The following USP2 variants were observed in gnomAD, a reference collection of about 807,000 sequenced individuals.
USP2 encodes the protein ubiquitin specific peptidase 2, also known as ubiquitin carboxyl-terminal hydrolase 2.
USP2 carries 33 observed loss-of-function variants against 72.0 expected under a neutral mutation model. The observed-to-expected ratio is 0.46, with a 90% confidence interval of 0.35 to 0.61. USP2 has a LOEUF of 0.61. Among genes scored for constraint, USP2 ranks in the 20% least tolerant of loss-of-function variants. The pLI is 0.01. For missense variants in USP2, 691 were observed against 797.8 expected (o/e 0.87, Z 1.61); for synonymous variants, 296 against 312.5 (o/e 0.95, Z 0.56).
At position 119,357,601 on chromosome 11, in the gene USP2, C is replaced by T. The variant is rs1050154373; in HGVS notation, c.1502-11G>A. 1.9e-6 allele frequency: 3 copies of T among 1,614,114 alleles called. No individual in the cohort carries two copies. The highest frequency in any genetic ancestry group is 1.1e-5 in the South Asian group (1 of 91,082). On this transcript the variant is annotated splice_polypyrimidine_tract_variant and intron_variant, in intron 10 of 12. Transcript: ENST00000260187. ...AGAACCGCTTCAGATCTGGCATTGA[C>T]GTGAGTCAAGGATAGTCAAACCAAT...
chr11:119,381,514 G>C lies in USP2; in HGVS notation c.-83C>G. The C allele has an allele frequency of 6.5e-7, 1 of 1,536,190 alleles. No individual in the cohort carries two copies. The highest frequency in any genetic ancestry group is 1.2e-5 in the South Asian group (1 of 84,064). Reference sequence around the variant, plus strand: ...TATGGACGAGTCGAACCGGGCACAAGCATGGAGCTGCGGGTGAGTCCCGGC... The same window carrying C: ...TATGGACGAGTCGAACCGGGCACAACCATGGAGCTGCGGGTGAGTCCCGGC... On this transcript the variant is annotated 5_prime_UTR_variant, in exon 1 of 13. Transcript: ENST00000260187.
At position 119,378,077 on chromosome 11, in the gene USP2, A is replaced by G. The variant is rs903162651; in HGVS notation, c.-42+3396T>C. On this transcript the variant is annotated intron_variant, in intron 1 of 12. Coordinates refer to ENST00000260187, the MANE Select transcript of USP2 (RefSeq NM_004205.5). ...GTGGGGAGTCCCAGCCAGTCCCGCC[A>G]GGTGGTTGGGAGCCCCCACAGTGGT... is the stretch of plus-strand genomic sequence containing the variant. Among the ~76,000 whole-genome samples, 4 of 152,216 alleles carry G rather than the reference A, an allele frequency of 2.6e-5. No individual in the cohort carries two copies. In the East Asian group the frequency reaches 7.8e-4, roughly 30 times the overall value.
intron 2 of USP2, among the ~76,000 whole-genome samples, chr11:119,370,667 G>A (rs1305424550): frequency 6.6e-6 from 1 of 152,210 alleles, no homozygotes; most frequent in Non-Finnish European, 1.5e-5. Context: ...ACCCTGGAGA[G>A]GCCTCTGCTG....
At chr11:119,374,863 AG>A (rs1950979728) in intron 1 of USP2, among the ~76,000 whole-genome samples, 1 of 152,120 alleles carries the variant, frequency 6.6e-6, no homozygotes, top group African/African-American at 2.4e-5. Context: ...AACCTCTCTG[AG>A]CCCCAACTTC....
chr11:119,369,439 A>ATGCCAGC (rs1950899097), intron 2 of USP2, among the ~76,000 whole-genome samples: 1 of 152,074 alleles, frequency 6.6e-6, no homozygotes, highest in Admixed American at 6.6e-5. Flanking sequence ...CCCTTAATGA[A>ATGCCAGC]TGCCAGCTGT....
Position 119,358,208 on chromosome 11 carries a change from A to T in USP2, c.1282T>A (p.Cys428Ser). 2 of 1,613,876 alleles carry T rather than the reference A, an allele frequency of 1.2e-6. No individual in the cohort carries two copies. Among genetic ancestry groups the T allele is most frequent in the Non-Finnish European group, 1.7e-6 (2 of 1,180,042 alleles). ...QLKSSLTCTD[C>S]GYCSTVFDPF... Reference sequence around the variant, plus strand: ...TCGAAGACCGTAGAACAGTAACCACAATCTGTACACGTCAGCGAGCTCTTT... The same window carrying T: ...TCGAAGACCGTAGAACAGTAACCACTATCTGTACACGTCAGCGAGCTCTTT... The change falls in exon 8 of 13, where the codon TGT (cysteine) becomes AGT (serine). Residue 428 changes from cysteine to serine, a missense_variant. Transcript: ENST00000260187.
At chr11:119,378,040 C>G (rs148874001) in intron 1 of USP2, among the ~76,000 whole-genome samples, 1 of 152,064 alleles carries the variant, frequency 6.6e-6, no homozygotes, top group South Asian at 2.1e-4. Context: ...CTCAGGTGCC[C>G]GGAAAAGGTG....
At chr11:119,378,889 C>G in intron 1 of USP2, 1 of 768,540 alleles carries the variant, frequency 1.3e-6, no homozygotes, top group Non-Finnish European at 1.6e-6. Context: ...TTGGTCTTGC[C>G]CCTGACACCC....
At chr11:119,357,010 C>A in intron 12 of USP2, 88 bp from the exon 13 acceptor site, 1 of 1,502,184 alleles carries the variant, frequency 6.7e-7, no homozygotes, top group Non-Finnish European at 9.0e-7. Context: ...GGCCGGCCGG[C>A]CTGCCTTTCA....
chr11:119,381,315 T>C (rs1479858484), intron 1 of USP2, 158 bp downstream of exon 1: 2 of 797,296 alleles, frequency 2.5e-6, no homozygotes, highest in African/African-American at 3.5e-5. Flanking sequence ...CTCACACAAC[T>C]GGCAGACACA....
intron 1 of USP2, among the ~76,000 whole-genome samples, chr11:119,377,970 G>A (rs1162595623): frequency 6.6e-6 from 1 of 152,092 alleles, no homozygotes; most frequent in East Asian, 1.9e-4. Flanking sequence ...GGCCTGGATA[G>A]AGAGCCTCTA....
Position 119,358,826 on chromosome 11 carries a change from T to G in USP2, c.1184A>C (p.Lys395Thr). The change falls in exon 7 of 13, where the codon AAA becomes ACA. Residue 395 changes from lysine (K) to threonine (T), a missense_variant. By Grantham distance (78) the Lys-to-Thr change is moderately conservative. Coordinates refer to ENST00000260187, the MANE Select transcript of USP2 (RefSeq NM_004205.5). The stretch of plus-strand genomic sequence containing the variant: ...ATATTTTCTCCACATCTGTCGGCCT[T>G]TCTCGTCATCACTGGGAACCAGAGA... ...ENLDHLPDDE[K>T]GRQMWRKYLE... is the part of the protein sequence containing the mutation. 1 of 1,614,068 alleles carries G rather than the reference T, an allele frequency of 6.2e-7. No individual in the cohort carries two copies. The highest frequency in any genetic ancestry group is 8.5e-7 in the Non-Finnish European group (1 of 1,180,036).
chr11:119,372,898 G>C lies in USP2; in HGVS notation c.583C>G (p.Leu195Val). ...LYQTASCPEY[L>V]VDYLENYGRK... Reference sequence around the variant, plus strand: ...CCATAGTTCTCCAGGTAGTCGACCAGGTATTCAGGGCAGCTGGCTGTCTGG... The same window carrying C: ...CCATAGTTCTCCAGGTAGTCGACCACGTATTCAGGGCAGCTGGCTGTCTGG... The change falls in exon 2 of 13, where the codon CTG becomes GTG. Residue 195 changes from leucine (L) to valine (V), a missense_variant. Coordinates refer to ENST00000260187, the MANE Select transcript of USP2 (RefSeq NM_004205.5). 6.2e-7 allele frequency: 1 copy of C among 1,611,130 alleles called. No individual in the cohort carries two copies. Among genetic ancestry groups the C allele is most frequent in the Non-Finnish European group, 8.5e-7 (1 of 1,178,982 alleles).
rs1379424713 is a variant in USP2, at chr11:119,358,914, A to G, written c.1173-77T>C. ...AAGGGTCTGTCAATTTTGATCCTTC[A>G]TCTTCAAAAGTAAATCAGATTATTC... is the stretch of plus-strand genomic sequence containing the variant. On this transcript the variant is annotated intron_variant, in intron 6 of 12. Transcript: ENST00000260187. The G allele has an allele frequency of 3.1e-6, 5 of 1,593,740 alleles. No homozygotes were observed. In the African/African-American group the frequency reaches 6.7e-5, roughly 21 times the overall value.
intron 3 of USP2, 67 bp downstream of exon 3, chr11:119,360,117 G>T: frequency 6.3e-7 from 1 of 1,577,300 alleles, no homozygotes; most frequent in Non-Finnish European, 8.7e-7. Context: ...GGGGACTCTG[G>T]TTATATGGCT....
At chr11:119,381,366 C>T in intron 1 of USP2, 107 bp downstream of exon 1, 1 of 1,222,628 alleles carries the variant, frequency 8.2e-7, no homozygotes, top group South Asian at 1.4e-5. Flanking sequence ...CCCTATATTT[C>T]TAGTGTCCAC....
At chr11:119,360,381 T>C (rs927800047) in intron 2 of USP2, 147 bp from the exon 3 acceptor site, 8 of 835,136 alleles carry the variant, frequency 9.6e-6, no homozygotes, top group Non-Finnish European at 1.6e-5. Flanking sequence ...TCTATGTACT[T>C]TGTAGGAAAG....
Position 119,358,193 on chromosome 11 carries a change from T to C in USP2, c.1297A>G (p.Thr433Ala), listed in dbSNP as rs777518799. Reference sequence around the variant, plus strand: ...AGGTCCCAGAAGGGGTCGAAGACCGTAGAACAGTAACCACAATCTGTACAC... The same window carrying C: ...AGGTCCCAGAAGGGGTCGAAGACCGCAGAACAGTAACCACAATCTGTACAC... ...LTCTDCGYCSTVFDPFWDLSL... is the reference protein window; with the variant it reads ...LTCTDCGYCSAVFDPFWDLSL... The change falls in exon 8 of 13, where the codon ACG (threonine) becomes GCG (alanine). Residue 433 changes from threonine (T) to alanine (A), a missense_variant. Transcript: ENST00000260187. 6.2e-7 allele frequency: 1 copy of C among 1,613,956 alleles called. No individual in the cohort carries two copies. Among genetic ancestry groups the C allele is most frequent in the African/African-American group, 1.3e-5 (1 of 75,028 alleles).
chr11:119,371,446 C>A (rs1378199443), intron 2 of USP2, among the ~76,000 whole-genome samples: 1 of 152,142 alleles, frequency 6.6e-6, no homozygotes, highest in Non-Finnish European at 1.5e-5. Flanking sequence ...TACAGTGGAT[C>A]CAGCCCTGCC....
Sources: gnomAD v4.1 joint callset for allele counts (sites outside exome capture counted in the v4.1 genomes callset) on GRCh38, gnomAD v4.1.1 for gene constraint, MANE v1.5 for transcripts, NCBI Gene and HGNC (gene_info 2026-07-23, HGNC 2026-07-21) for gene names.